Variants in NTNG1 observed in about 807,000 individuals in gnomAD.
The protein encoded by NTNG1 is netrin G1, also known as netrin-G1.
NTNG1 carries 16 observed loss-of-function variants against 54.0 expected under a neutral mutation model. That is an observed-to-expected ratio of 0.30 (90% CI 0.20 to 0.45). The LOEUF is 0.45. NTNG1 is among the 20% of genes least tolerant of loss of function. The probability of loss-of-function intolerance (pLI) is 1.00; values close to 1 mark genes in which losing one functional copy is unlikely to be tolerated. For missense variants in NTNG1, 530 were observed against 678.7 expected (o/e 0.78, Z 2.43); for synonymous variants, 255 against 263.1 (o/e 0.97, Z 0.30).
rs922482171 is a variant in NTNG1, at chr1:107,389,354, A to G, written c.888-5800A>G. 3.3e-5 allele frequency among the ~76,000 whole-genome samples: 5 copies of G among 152,196 alleles called. No individual in the cohort carries two copies. In the South Asian group the frequency reaches 6.2e-4, roughly 19 times the overall value. Reference sequence around the variant, plus strand: ...ATTTTGAACATTAGTAATAGGCTATATGGACCTCGAGCTCACAGGAAATTC... The same window carrying G: ...ATTTTGAACATTAGTAATAGGCTATGTGGACCTCGAGCTCACAGGAAATTC... On this transcript the variant is annotated intron_variant, in intron 3 of 7. Coordinates refer to ENST00000370068, the MANE Select transcript of NTNG1 (RefSeq NM_001113226.3).
intron 4 of NTNG1, among the ~76,000 whole-genome samples, chr1:107,402,406 T>C (rs529461344): frequency 1.3e-5 from 2 of 152,280 alleles, no homozygotes; most frequent in African/African-American, 4.8e-5. Flanking sequence ...TGTCACCATA[T>C]GTGTCAGGAT....
intron 3 of NTNG1, among the ~76,000 whole-genome samples, chr1:107,361,282 TATA>T (rs1413326645): frequency 3.5e-5 from 5 of 143,390 alleles, no homozygotes; most frequent in South Asian, 4.2e-4. Context: ...CTATATAATA[TATA>T]ATTTTTATAT....
At chr1:107,394,984 G>A (rs747839148) in intron 3 of NTNG1, among the ~76,000 whole-genome samples, 170 bp from the exon 4 acceptor site, 5 of 152,016 alleles carry the variant, frequency 3.3e-5, no homozygotes, top group Non-Finnish European at 4.4e-5. Flanking sequence ...CCCTGCAAAC[G>A]GCTCTTTTGG....
In NTNG1 at chr1:107,339,250, G is replaced by A. The variant is rs1668767835; in HGVS notation, c.887+14328G>A. On this transcript the variant is annotated intron_variant, in intron 3 of 7. Transcript: ENST00000370068. ...ACTTCTCCAGCCGTTGTTAATTTGG[G>A]AAGTCAACAGGTTACAATCTATCAG... 2.0e-5 allele frequency among the ~76,000 whole-genome samples: 3 copies of A among 152,002 alleles called. No homozygotes were observed. In the South Asian group the frequency reaches 6.2e-4, roughly 32 times the overall value.
chr1:107,427,130 G>A (rs921478795), intron 5 of NTNG1, among the ~76,000 whole-genome samples: 1 of 152,114 alleles, frequency 6.6e-6, no homozygotes, highest in Non-Finnish European at 1.5e-5. Flanking sequence ...AGCAAACAGA[G>A]ATAATTTGAT....
At chr1:107,376,813 C>G (rs1211976884) in intron 3 of NTNG1, among the ~76,000 whole-genome samples, 1 of 152,266 alleles carries the variant, frequency 6.6e-6, no homozygotes. Context: ...TGCTGCCCCC[C>G]CAGCCACCAG....
intron 3 of NTNG1, among the ~76,000 whole-genome samples, chr1:107,356,438 C>T (rs184434908): frequency 2.1e-3 from 321 of 152,068 alleles, no homozygotes; most frequent in South Asian, 8.7e-3. Flanking sequence ...CAATTACAGG[C>T]GCCCACCACC....
Position 107,154,887 on chromosome 1 carries a change from C to T in NTNG1, c.246+6048C>T, listed in dbSNP as rs925299593. Among the ~76,000 whole-genome samples, 11 of 152,040 alleles carry T rather than the reference C, an allele frequency of 7.2e-5. 1 individual carries two copies. Among genetic ancestry groups the T allele is most frequent in the South Asian group, 2.1e-4 (1 of 4,804 alleles). On this transcript the variant is annotated intron_variant, in intron 2 of 7. Transcript: ENST00000370068. Reference sequence around the variant, plus strand: ...TTATCTACCTGGAACTCCAATTTCACGTTAAGATTAGGGGAAAGATTTAAC... The same window carrying T: ...TTATCTACCTGGAACTCCAATTTCATGTTAAGATTAGGGGAAAGATTTAAC...
At chr1:107,443,550 A>G (rs1233538197) in intron 7 of NTNG1, among the ~76,000 whole-genome samples, 5 of 152,034 alleles carry the variant, frequency 3.3e-5, no homozygotes, top group Admixed American at 1.3e-4. Context: ...TAATTTTTCA[A>G]TGTTTCTAGT....
chr1:107,204,519 C>T (rs1046060496), intron 2 of NTNG1, among the ~76,000 whole-genome samples: 21 of 152,182 alleles, frequency 1.4e-4, no homozygotes, highest in Admixed American at 6.6e-4. Context: ...CCAGCCATCT[C>T]TGCCAGGGAA....
At chr1:107,432,878 T>A (rs1299912208) in intron 6 of NTNG1, among the ~76,000 whole-genome samples, 1 of 152,136 alleles carries the variant, frequency 6.6e-6, no homozygotes, top group Admixed American at 6.6e-5. Context: ...GTTTGGCCTT[T>A]TTTCCAGTTC....
At chr1:107,178,974 A>G (rs777268854) in intron 2 of NTNG1, among the ~76,000 whole-genome samples, 57 of 152,174 alleles carry the variant, frequency 3.7e-4, no homozygotes, top group Non-Finnish European at 6.9e-4. Flanking sequence ...GACATAGCAT[A>G]TGTTATTTCC....
chr1:107,372,245 AG>A (rs1670964484), intron 3 of NTNG1, among the ~76,000 whole-genome samples: 1 of 151,832 alleles, frequency 6.6e-6, no homozygotes, highest in Non-Finnish European at 1.5e-5. Flanking sequence ...TTCGTTTTCT[AG>A]TTTCTTAAGA....
intron 3 of NTNG1, among the ~76,000 whole-genome samples, chr1:107,374,442 C>T (rs1671108185): frequency 6.6e-6 from 1 of 152,010 alleles, no homozygotes; most frequent in Non-Finnish European, 1.5e-5. Flanking sequence ...TTTATCTTCT[C>T]TATGTTTCAT....
chr1:107,381,757 C>T (rs778283497), intron 3 of NTNG1, among the ~76,000 whole-genome samples: 35 of 152,310 alleles, frequency 2.3e-4, no homozygotes, highest in Middle Eastern at 3.4e-3. Flanking sequence ...ATCCAGGACA[C>T]AGCTAGATTC....
At chr1:107,191,353 A>G (rs1214942814) in intron 2 of NTNG1, among the ~76,000 whole-genome samples, 1 of 152,164 alleles carries the variant, frequency 6.6e-6, no homozygotes, top group Admixed American at 6.5e-5. Context: ...GTAGGTTGCA[A>G]AAATTTTCTC....
At chr1:107,301,248 A>T (rs575265041) in intron 2 of NTNG1, among the ~76,000 whole-genome samples, 5 of 152,210 alleles carry the variant, frequency 3.3e-5, no homozygotes, top group Non-Finnish European at 7.3e-5. Context: ...AAGACTTCAT[A>T]TGCTATTGTT....
At chr1:107,384,749 C>G (rs940469976) in intron 3 of NTNG1, among the ~76,000 whole-genome samples, 1 of 152,148 alleles carries the variant, frequency 6.6e-6, no homozygotes, top group Non-Finnish European at 1.5e-5. Context: ...CCCTAATGCC[C>G]CTTCTTTCAT....
intron 2 of NTNG1, among the ~76,000 whole-genome samples, chr1:107,216,356 G>A (rs1411954431): frequency 1.3e-5 from 2 of 152,146 alleles, no homozygotes; most frequent in East Asian, 3.9e-4. Context: ...TTAATCATAA[G>A]TGGATGCTGG....
Sources: allele counts gnomAD v4.1 joint callset (sites outside exome capture counted in the v4.1 genomes callset), GRCh38; gene constraint gnomAD v4.1.1; transcripts MANE v1.5; gene names NCBI Gene and HGNC (gene_info 2026-07-23, HGNC 2026-07-21).